LRBA: variants seen among roughly 807,000 people sequenced by gnomAD.
The protein encoded by LRBA is lipopolysaccharide-responsive and beige-like anchor protein.
A neutral mutation model predicts 330.0 loss-of-function variants in LRBA; 176 were observed. The ratio of observed to expected loss-of-function variants is 0.53; its 90% CI spans 0.47 to 0.60. LRBA has a LOEUF of 0.60. Among genes scored for constraint, LRBA ranks in the 20% least tolerant of loss-of-function variants. The pLI is 0.00. For synonymous variants in LRBA, 1,230 were observed against 1,193.0 expected, an observed-to-expected ratio of 1.03 and a Z score of -0.64; for missense variants, 3,259 against 3,444.8, an observed-to-expected ratio of 0.95 and a Z score of 1.35.
chr4:150,321,408 C>A lies in LRBA; in HGVS notation c.7453-40G>T. ...ACTGTTGAGTGGGCATGACAAGACC[C>A]AAATAGACAAGAAGGAAAAGATGAA... On this transcript the variant is annotated intron_variant, in intron 49 of 56. Coordinates refer to ENST00000651943, the MANE Select transcript of LRBA (RefSeq NM_001364905.1). The surrounding 1 kb of genome is among the most constrained non-coding windows in gnomAD (Gnocchi z 4.5). The A allele has an allele frequency of 8.8e-6, 13 of 1,474,202 alleles. No individual in the cohort carries two copies. The highest frequency in any genetic ancestry group is 4.2e-5 in the South Asian group (3 of 71,068). The allele number at this position is 1,474,202 out of a possible 1,614,324, so 91.3% of individuals were successfully genotyped here. A position where few individuals can be genotyped will look rare whatever the true frequency, so the allele number is the denominator to read the frequency against.
At chr4:150,277,704 G>C in intron 56 of LRBA, 149 bp downstream of exon 56, 1 of 783,180 alleles carries the variant, frequency 1.3e-6, no homozygotes, top group East Asian at 2.6e-5. Context: ...GTCTTGCAAT[G>C]TTGCCCAGGC....
chr4:150,597,018 G>T, intron 38 of LRBA: 1 of 812,322 alleles, frequency 1.2e-6, no homozygotes, highest in Non-Finnish European at 2.0e-6. Context: ...CGCAAGTTTT[G>T]TTTTTAACAT....
At chr4:150,419,302 A>G (rs571953838) in intron 46 of LRBA, among the ~76,000 whole-genome samples, 6 of 152,140 alleles carry the variant, frequency 3.9e-5, no homozygotes, top group Admixed American at 1.3e-4. Flanking sequence ...ATTTTCTAAC[A>G]GTAACTTGGT....
chr4:150,690,107 G>T (rs1362842638), intron 36 of LRBA, among the ~76,000 whole-genome samples: 2 of 151,990 alleles, frequency 1.3e-5, no homozygotes, highest in African/African-American at 4.8e-5. Flanking sequence ...TAGATTTAAA[G>T]ATTCAACATT....
At chr4:150,443,622 T>C (rs1752129608) in intron 44 of LRBA, among the ~76,000 whole-genome samples, 1 of 151,828 alleles carries the variant, frequency 6.6e-6, no homozygotes, top group African/African-American at 2.4e-5. Context: ...CCGCATGTTC[T>C]CACTCATAGG....
At chr4:150,690,424 A>C (rs1342889973) in intron 36 of LRBA, among the ~76,000 whole-genome samples, 1 of 151,622 alleles carries the variant, frequency 6.6e-6, no homozygotes, top group East Asian at 1.9e-4. Flanking sequence ...AAACGTTTGA[A>C]CCAGGGAGTT....
intron 48 of LRBA, 69 bp downstream of exon 48, chr4:150,349,923 G>C (rs758130304): frequency 1.5e-6 from 2 of 1,331,408 alleles, no homozygotes; most frequent in Non-Finnish European, 1.1e-6. Flanking sequence ...GATGGGGGAG[G>C]TGTTCTCTAG....
chr4:150,890,696 G>T (rs941408803), intron 17 of LRBA, among the ~76,000 whole-genome samples: 1 of 152,068 alleles, frequency 6.6e-6, no homozygotes, highest in African/African-American at 2.4e-5. Context: ...GCAAAGTTAA[G>T]GAATTAAAAA....
intron 40 of LRBA, among the ~76,000 whole-genome samples, chr4:150,537,831 C>T (rs1023249444): frequency 5.3e-5 from 8 of 151,694 alleles, no homozygotes; most frequent in Non-Finnish European, 8.8e-5. Context: ...GGTGCACGCC[C>T]GTAGTCCCAG....
intron 4 of LRBA, among the ~76,000 whole-genome samples, chr4:150,923,831 T>A (rs911606609): frequency 6.6e-6 from 1 of 152,210 alleles, no homozygotes; most frequent in African/African-American, 2.4e-5. Context: ...TTTGCCTTCA[T>A]CTTATTTTTA....
intron 40 of LRBA, among the ~76,000 whole-genome samples, chr4:150,574,604 T>A (rs1180159361): frequency 6.6e-6 from 1 of 152,042 alleles, no homozygotes; most frequent in Non-Finnish European, 1.5e-5. Context: ...TCACACTGTC[T>A]CCTTTTATCT....
chr4:150,775,149 T>C (rs543125566), intron 34 of LRBA, among the ~76,000 whole-genome samples: 1 of 152,280 alleles, frequency 6.6e-6, no homozygotes, highest in South Asian at 2.1e-4. Context: ...CCAGCTGTAG[T>C]TCCTACCATA....
At chr4:151,006,674 T>C (rs886807190) in intron 2 of LRBA, among the ~76,000 whole-genome samples, 3 of 152,156 alleles carry the variant, frequency 2.0e-5, no homozygotes, top group Non-Finnish European at 4.4e-5. Flanking sequence ...ACTTAGTTTT[T>C]CTATTAATTC....
intron 52 of LRBA, among the ~76,000 whole-genome samples, chr4:150,307,673 G>A (rs886338577): frequency 6.6e-6 from 1 of 152,086 alleles, no homozygotes; most frequent in Non-Finnish European, 1.5e-5. Flanking sequence ...CTGAGGCCAG[G>A]AGTTTGAGGT....
chr4:150,563,785 T>C (rs532690343), intron 40 of LRBA, among the ~76,000 whole-genome samples: 4 of 151,888 alleles, frequency 2.6e-5, no homozygotes, highest in East Asian at 3.9e-4. Flanking sequence ...CCATTCACAA[T>C]TGCAACAAAG....
At chr4:150,929,353 A>C (rs1368850720) in intron 2 of LRBA, among the ~76,000 whole-genome samples, 1 of 152,174 alleles carries the variant, frequency 6.6e-6, no homozygotes, top group Admixed American at 6.5e-5. Context: ...ATCTAAATCA[A>C]CTCTACAATT....
chr4:150,668,237 C>T (rs938192997), intron 37 of LRBA, among the ~76,000 whole-genome samples: 1 of 152,198 alleles, frequency 6.6e-6, no homozygotes, highest in African/African-American at 2.4e-5. Flanking sequence ...GTGCCAATAG[C>T]TTTAGGTCTT....
intron 17 of LRBA, among the ~76,000 whole-genome samples, chr4:150,887,379 ACT>A (rs1423730174): frequency 6.6e-6 from 1 of 152,186 alleles, no homozygotes; most frequent in East Asian, 1.9e-4. Context: ...GAGTTGCCTG[ACT>A]CTATCAGAAG....
chr4:150,888,429 T>C (rs1729162629), intron 17 of LRBA, among the ~76,000 whole-genome samples: 1 of 152,160 alleles, frequency 6.6e-6, no homozygotes, highest in African/African-American at 2.4e-5. Context: ...AACTTTAAGC[T>C]ATATATAACT....
Sources: allele counts gnomAD v4.1 joint callset (sites outside exome capture counted in the v4.1 genomes callset), GRCh38; gene constraint gnomAD v4.1.1; non-coding constraint Gnocchi (gnomAD v3.1); transcripts MANE v1.5; gene names NCBI Gene and HGNC (gene_info 2026-07-23, HGNC 2026-07-21).